MCUB: variants seen among roughly 807,000 people sequenced by gnomAD.
MCUB encodes calcium uniporter regulatory subunit MCUb, mitochondrial.
Under a neutral mutation model 41.4 loss-of-function variants are expected in MCUB, and 46 were observed. The ratio of observed to expected loss-of-function variants is 1.11; its 90% confidence interval spans 0.88 to 1.42. MCUB has a LOEUF of 1.42. Ranked by LOEUF, MCUB falls within the 40% of genes most tolerant of loss-of-function variation. MCUB has a pLI of 0.00. For synonymous variants in MCUB, 148 were observed against 148.2 expected (o/e 1.00, Z 0.01); for missense variants, 403 against 404.9 (o/e 1.00, Z 0.04).
chr4:109,652,095 C>T (rs372192825), intron 1 of MCUB, among the ~76,000 whole-genome samples: 54 of 152,302 alleles, frequency 3.5e-4, no homozygotes, highest in East Asian at 2.5e-3. Context: ...GTCCTCACAC[C>T]GTCTTTCTTC....
rs147849368 is a variant in MCUB, at chr4:109,583,729, T to C, written c.99+23293T>C. Among the ~76,000 whole-genome samples, 906 of 152,336 alleles carry C rather than the reference T, an allele frequency of 5.9e-3. 31 individuals carry two copies. The South Asian group carries it at 0.075, about 13-fold the overall frequency. On this transcript the variant is annotated intron_variant, in intron 1 of 7. Coordinates refer to ENST00000394650, the MANE Select transcript of MCUB (RefSeq NM_017918.5). ...ATAAATAGCTCTTATTATTTTGAGA[T>C]ACATCTCATCAATACCTAGTTTACT...
chr4:109,680,929 G>A (rs977345934), intron 4 of MCUB, among the ~76,000 whole-genome samples: 7 of 152,176 alleles, frequency 4.6e-5, no homozygotes, highest in Non-Finnish European at 1.0e-4. Context: ...TCTCATAGCA[G>A]AGCCTAATTT....
intron 1 of MCUB, among the ~76,000 whole-genome samples, chr4:109,574,735 G>C (rs1726990946): frequency 6.6e-6 from 1 of 152,228 alleles, no homozygotes; most frequent in South Asian, 2.1e-4. Flanking sequence ...GAAGGTGGCA[G>C]CTGCACTCAT....
In MCUB at chr4:109,684,634, A is replaced by G. The variant is rs747422122; in HGVS notation, c.804A>G (p.Ile268Met). The G allele has an allele frequency of 5.4e-6, 8 of 1,482,906 alleles. No individual in the cohort carries two copies. Among genetic ancestry groups the G allele is most frequent in the Non-Finnish European group, 7.5e-6 (8 of 1,061,418 alleles). 91.9% of individuals were successfully genotyped at this position (1,482,906 alleles called of 1,614,324 possible). ...ANSMVFFAYF[I>M]VTRQDYTYSA... ...CTATGGTCTTTTTTGCATACTTTAT[A>G]GTCACTCGACAGGTGAGTAGTTTGT... Residue 268 changes from isoleucine to methionine, a missense_variant, in exon 6 of 8, where the codon ATA (isoleucine) becomes ATG (methionine). By Grantham distance (10) the Ile-to-Met change is conservative (BLOSUM62 1). Coordinates refer to ENST00000394650, the MANE Select transcript of MCUB (RefSeq NM_017918.5).
chr4:109,609,068 TC>T (rs1727944008), intron 1 of MCUB, among the ~76,000 whole-genome samples: 1 of 35,764 alleles, frequency 2.8e-5, no homozygotes, highest in African/African-American at 7.3e-5. Flanking sequence ...AAATGGGATC[TC>T]TCTCTCTCTC....
chr4:109,578,496 T>C lies in MCUB; in HGVS notation c.99+18060T>C, dbSNP rs1319710692. On this transcript the variant is annotated intron_variant, in intron 1 of 7. Transcript: ENST00000394650. ...GGTCTTCATAATGAATCTCATACTTTTTTTTTTTTTGAAACAGATTTACTC... is the reference window on the plus strand; with the variant it reads ...GGTCTTCATAATGAATCTCATACTTCTTTTTTTTTTGAAACAGATTTACTC... Among the ~76,000 whole-genome samples the C allele has an allele frequency of 2.6e-5, 4 of 151,686 alleles. No homozygotes were observed. In the East Asian group the frequency reaches 7.7e-4, roughly 29 times the overall value.
intron 1 of MCUB, among the ~76,000 whole-genome samples, chr4:109,577,598 C>CTTTTTGTTTTTTTTT (rs1727060720): frequency 2.1e-5 from 1 of 48,662 alleles, no homozygotes; most frequent in African/African-American, 7.8e-5. Context: ...TACTTGAATT[C>CTTTTTGTTTTTTTTT]TTTTTTTTTT....
At chr4:109,585,616 C>T (rs1043677320) in intron 1 of MCUB, among the ~76,000 whole-genome samples, 4 of 152,142 alleles carry the variant, frequency 2.6e-5, no homozygotes, top group Admixed American at 2.6e-4. Context: ...TTAGTGCTTC[C>T]TTCAGGAGCT....
intron 1 of MCUB, among the ~76,000 whole-genome samples, chr4:109,641,087 A>C (rs2346835): frequency 6.6e-6 from 1 of 151,802 alleles, no homozygotes. Context: ...AAAGGTTGGC[A>C]GAGCAGTCAG....
intron 1 of MCUB, among the ~76,000 whole-genome samples, chr4:109,657,218 C>CAA (rs56707630): frequency 1.5e-4 from 17 of 111,338 alleles, no homozygotes; most frequent in South Asian, 3.0e-4. Flanking sequence ...TATTCCATCT[C>CAA]AAAAAAAAAA....
intron 1 of MCUB, among the ~76,000 whole-genome samples, chr4:109,649,750 T>TAAAAA (rs1728917948): frequency 1.2e-5 from 1 of 82,100 alleles, no homozygotes; most frequent in African/African-American, 6.8e-5. Context: ...TTATGATTTT[T>TAAAAA]TAAAATAGAA....
chr4:109,617,155 A>G (rs775445884), intron 1 of MCUB, among the ~76,000 whole-genome samples: 14 of 152,142 alleles, frequency 9.2e-5, no homozygotes, highest in Non-Finnish European at 1.9e-4. Flanking sequence ...AATAGACCCA[A>G]TTTGCCTCAA....
chr4:109,633,466 TCA>T (rs1258198209), intron 1 of MCUB, among the ~76,000 whole-genome samples: 1 of 152,044 alleles, frequency 6.6e-6, no homozygotes, highest in African/African-American at 2.4e-5. Flanking sequence ...AGACAAGGTT[TCA>T]CAGTGTTAGC....
At chr4:109,612,269 T>TC (rs1016836268) in intron 1 of MCUB, among the ~76,000 whole-genome samples, 2 of 145,340 alleles carry the variant, frequency 1.4e-5, no homozygotes, top group Non-Finnish European at 3.0e-5. Context: ...TTTTCTTTTT[T>TC]TTTTTTTTTT....
intron 1 of MCUB, among the ~76,000 whole-genome samples, chr4:109,604,177 T>G (rs202117741): frequency 0.025 from 3,794 of 151,728 alleles, 118 homozygotes; most frequent in South Asian, 0.073. Flanking sequence ...AAACAGATGC[T>G]TGAAGGCAGC....
At chr4:109,612,900 A>G (rs2126133795) in intron 1 of MCUB, among the ~76,000 whole-genome samples, 1 of 152,194 alleles carries the variant, frequency 6.6e-6, no homozygotes, top group South Asian at 2.1e-4. Flanking sequence ...AGGTCAGGAG[A>G]TCAAGACCAT....
At chr4:109,618,185 C>T (rs117753450) in intron 1 of MCUB, among the ~76,000 whole-genome samples, 1 of 152,216 alleles carries the variant, frequency 6.6e-6, no homozygotes, top group Non-Finnish European at 1.5e-5. Context: ...ATACCCAGTG[C>T]AGCATTGGAG....
intron 4 of MCUB, among the ~76,000 whole-genome samples, chr4:109,679,814 G>GTTA (rs1290081702): frequency 6.6e-5 from 10 of 150,876 alleles, no homozygotes; most frequent in Admixed American, 6.6e-4. Flanking sequence ...TGTTGTTGTT[G>GTTA]TTTTTGAGAC....
At chr4:109,683,287 G>A (rs1213847111) in intron 5 of MCUB, 3 of 152,208 alleles carry the variant, frequency 2.0e-5, no homozygotes, top group Non-Finnish European at 4.4e-5. Flanking sequence ...CCCATTTGTG[G>A]TTTTTATTTA....
Sources: gnomAD v4.1 joint callset for allele counts (sites outside exome capture counted in the v4.1 genomes callset) on GRCh38, gnomAD v4.1.1 for gene constraint, MANE v1.5 for transcripts, NCBI Gene and HGNC (gene_info 2026-07-23, HGNC 2026-07-21) for gene names.